NPAS3: variants seen among roughly 807,000 people sequenced by gnomAD.
NPAS3 encodes the protein neuronal PAS domain protein 3.
In NPAS3, 14 loss-of-function variants were observed where a neutral mutation model predicts 73.1. That is an observed-to-expected ratio of 0.19 (90% CI 0.13 to 0.30). NPAS3 has a LOEUF of 0.30. Ranked by LOEUF, NPAS3 falls within the 10% of genes least tolerant of loss-of-function variation. NPAS3 has a pLI of 1.00. For missense variants in NPAS3, 1,096 were observed against 1,250.0 expected, an observed-to-expected ratio of 0.88 and a Z score of 1.86; for synonymous variants, 620 against 541.5, an observed-to-expected ratio of 1.14 and a Z score of -2.01.
chr14:33,483,433 C>G (rs2051427915), intron 4 of NPAS3, among the ~76,000 whole-genome samples: 1 of 152,166 alleles, frequency 6.6e-6, no homozygotes, highest in African/African-American at 2.4e-5. Flanking sequence ...TATTATCTAT[C>G]CGGAGCAAGA....
At chr14:33,573,080 G>C (rs1387027513) in intron 5 of NPAS3, among the ~76,000 whole-genome samples, 2 of 148,844 alleles carry the variant, frequency 1.3e-5, no homozygotes, top group Non-Finnish European at 3.0e-5. Context: ...AAATGAACTT[G>C]TGAAAACATC....
intron 4 of NPAS3, among the ~76,000 whole-genome samples, chr14:33,496,502 A>G (rs111260653): frequency 0.025 from 3,799 of 152,236 alleles, 142 homozygotes; most frequent in African/African-American, 0.084. Context: ...CTTATCCACC[A>G]CAATCAAGTC....
chr14:33,513,894 G>A (rs1392815473), intron 4 of NPAS3, among the ~76,000 whole-genome samples: 1 of 152,050 alleles, frequency 6.6e-6, no homozygotes, highest in Non-Finnish European at 1.5e-5. Flanking sequence ...AGGTTTGAGA[G>A]GGGTGAGGTG....
At chr14:33,727,934 A>T (rs967668450) in intron 6 of NPAS3, among the ~76,000 whole-genome samples, 4 of 152,238 alleles carry the variant, frequency 2.6e-5, no homozygotes, top group African/African-American at 9.6e-5. Flanking sequence ...AGCCTGCTGC[A>T]GAATGGGTCA....
chr14:33,079,855 G>T (rs1267818968), intron 2 of NPAS3, among the ~76,000 whole-genome samples: 1 of 151,398 alleles, frequency 6.6e-6, no homozygotes, highest in Non-Finnish European at 1.5e-5. Flanking sequence ...CCAGTGATCT[G>T]CCCCCCTCAG....
At position 33,667,770 on chromosome 14, in the gene NPAS3, G is replaced by T. The variant is rs116871480; in HGVS notation, c.559-8441G>T. On this transcript the variant is annotated intron_variant, in intron 5 of 11. Coordinates refer to ENST00000356141, the Ensembl canonical transcript of NPAS3. ...ACACATGGTATTCGGGAGGGTCAGT[G>T]GTTAATCATGGCGTGAAGAATTTTG... Among the ~76,000 whole-genome samples the T allele has an allele frequency of 7.2e-3, 1,095 of 152,156 alleles. 13 individuals carry two copies. Among genetic ancestry groups the T allele is most frequent in the Middle Eastern group, 0.027 (8 of 294 alleles).
At chr14:33,121,687 A>G (rs2043235914) in intron 2 of NPAS3, among the ~76,000 whole-genome samples, 1 of 152,168 alleles carries the variant, frequency 6.6e-6, no homozygotes, top group African/African-American at 2.4e-5. Flanking sequence ...TGAGAGAATC[A>G]TGTCAGATAT....
At chr14:33,554,060 A>C (rs2055241418) in intron 4 of NPAS3, among the ~76,000 whole-genome samples, 1 of 152,216 alleles carries the variant, frequency 6.6e-6, no homozygotes, top group African/African-American at 2.4e-5. Context: ...GCCAAAACAG[A>C]GTGGAAAGAT....
chr14:33,468,123 A>G (rs982239056), intron 4 of NPAS3, among the ~76,000 whole-genome samples: 2 of 152,164 alleles, frequency 1.3e-5, no homozygotes, highest in African/African-American at 4.8e-5. Flanking sequence ...GCAGAATTGT[A>G]AGCAGTTGAA....
chr14:33,196,762 T>C (rs2046370833), intron 2 of NPAS3, among the ~76,000 whole-genome samples: 1 of 152,234 alleles, frequency 6.6e-6, no homozygotes, highest in Non-Finnish European at 1.5e-5. Context: ...CATGTTTACA[T>C]TTAGCACACA....
At chr14:33,283,956 A>G (rs1265575795) in intron 3 of NPAS3, among the ~76,000 whole-genome samples, 1 of 152,126 alleles carries the variant, frequency 6.6e-6, no homozygotes, top group Non-Finnish European at 1.5e-5. Flanking sequence ...CAGGTTCAGA[A>G]GACTTCTTTG....
chr14:33,741,528 T>C (rs748155911), intron 7 of NPAS3, among the ~76,000 whole-genome samples: 3 of 152,204 alleles, frequency 2.0e-5, no homozygotes, highest in Non-Finnish European at 4.4e-5. Flanking sequence ...TTTTAGTCTC[T>C]GCTGACCTCT....
chr14:33,182,413 C>A (rs1245977409), intron 2 of NPAS3, among the ~76,000 whole-genome samples: 1 of 152,130 alleles, frequency 6.6e-6, no homozygotes, highest in Admixed American at 6.5e-5. Context: ...TATCTCATAG[C>A]ATAATTTATT....
rs569278153 is a variant in NPAS3, at chr14:33,637,789, T to A, written c.559-38422T>A. 1.4e-4 allele frequency among the ~76,000 whole-genome samples: 21 copies of A among 152,346 alleles called. 1 individual carries two copies. The South Asian group carries it at 4.1e-3, about 30-fold the overall frequency. On this transcript the variant is annotated intron_variant, in intron 5 of 11. Coordinates refer to ENST00000356141, the Ensembl canonical transcript of NPAS3. ...AGGTATCATTATTACCATGTATTTT[T>A]TATAAAGAACGATTGCAAAGCATGA... is the stretch of plus-strand genomic sequence containing the variant.
chr14:33,628,957 C>T (rs867772198), intron 5 of NPAS3, among the ~76,000 whole-genome samples: 6 of 152,096 alleles, frequency 3.9e-5, no homozygotes, highest in East Asian at 1.9e-4. Flanking sequence ...GCGGGCCGGG[C>T]GCAGTGGCTC....
At position 33,609,924 on chromosome 14, in the gene NPAS3, CA is replaced by C. The variant is rs1317753492; in HGVS notation, c.558+49715del. ...TTCGAAGCTGGGGTTTTAAATTGTTCATTTGTTTATTTAAGTCTTTATCTTT... is the reference window on the plus strand; with the variant it reads ...TTCGAAGCTGGGGTTTTAAATTGTTCTTTGTTTATTTAAGTCTTTATCTTT... On this transcript the variant is annotated intron_variant, in intron 5 of 11. Coordinates refer to ENST00000356141, the Ensembl canonical transcript of NPAS3. Among the ~76,000 whole-genome samples the C allele has an allele frequency of 3.9e-5, 6 of 152,062 alleles. No homozygotes were observed. In the East Asian group the frequency reaches 1.2e-3, roughly 29 times the overall value.
chr14:33,585,643 ACT>A (rs1383029905), intron 5 of NPAS3, among the ~76,000 whole-genome samples: 1 of 152,132 alleles, frequency 6.6e-6, no homozygotes, highest in Admixed American at 6.6e-5. Context: ...GAGATACATG[ACT>A]CTTATATTAA....
At chr14:33,470,234 G>T (rs2050722202) in intron 4 of NPAS3, among the ~76,000 whole-genome samples, 1 of 152,166 alleles carries the variant, frequency 6.6e-6, no homozygotes, top group Non-Finnish European at 1.5e-5. Context: ...ACAAAGTTGT[G>T]CCCAGTTTCA....
At chr14:33,796,696 G>T (rs2063522177) in intron 10 of NPAS3, among the ~76,000 whole-genome samples, 1 of 152,140 alleles carries the variant, frequency 6.6e-6, no homozygotes, top group Admixed American at 6.5e-5. Flanking sequence ...CAGAAGACAG[G>T]TCAAACTGAC....
Sources: allele counts gnomAD v4.1 joint callset (sites outside exome capture counted in the v4.1 genomes callset), GRCh38; gene constraint gnomAD v4.1.1; transcripts MANE v1.5; gene names NCBI Gene and HGNC (gene_info 2026-07-23, HGNC 2026-07-21).